Variants in ACOXL observed in about 807,000 individuals in gnomAD.
ACOXL encodes acyl-CoA oxidase like, also known as acyl-coenzyme A oxidase-like protein.
A neutral mutation model predicts 71.9 loss-of-function variants in ACOXL; 70 were observed. The ratio of observed to expected loss-of-function variants is 0.97; its 90% CI spans 0.80 to 1.19. The LOEUF is 1.19. Ranked by LOEUF, ACOXL falls within the 50% of genes most tolerant of loss-of-function variation. The probability of loss-of-function intolerance (pLI) is 0.00; values close to 1 mark genes in which losing one functional copy is unlikely to be tolerated. For missense variants in ACOXL, 703 were observed against 736.3 expected (o/e 0.95, Z 0.52); for synonymous variants, 253 against 281.6 (o/e 0.90, Z 1.02).
chr2:111,018,320 G>T (rs1317870191), intron 14 of ACOXL, among the ~76,000 whole-genome samples: 1 of 152,182 alleles, frequency 6.6e-6, no homozygotes, highest in East Asian at 1.9e-4. Context: ...ACTGAGTCTG[G>T]AATAACAAAT....
intron 15 of ACOXL, among the ~76,000 whole-genome samples, chr2:111,042,341 T>C (rs1194161041): frequency 2.6e-5 from 4 of 152,190 alleles, no homozygotes; most frequent in Non-Finnish European, 2.9e-5. Flanking sequence ...GCAGAGGGAA[T>C]AGGATGTGAA....
chr2:111,074,314 G>C (rs142952361), intron 16 of ACOXL, among the ~76,000 whole-genome samples: 8 of 151,990 alleles, frequency 5.3e-5, no homozygotes, highest in African/African-American at 1.9e-4. Flanking sequence ...AGAGTGATGA[G>C]AATTGACATC....
At position 110,798,700 on chromosome 2, in the gene ACOXL, C is replaced by A; in HGVS notation, c.436C>A (p.Leu146Ile). 6.2e-7 allele frequency: 1 copy of A among 1,614,106 alleles called. No individual in the cohort carries two copies. The highest frequency in any genetic ancestry group is 1.1e-5 in the South Asian group (1 of 91,082). Residue 146 changes from leucine to isoleucine, a missense_variant, in exon 6 of 18, where the codon CTC becomes ATC. By Grantham distance (5) the Leu-to-Ile change is conservative. Coordinates refer to ENST00000439055, the MANE Select transcript of ACOXL (RefSeq NM_001142807.4). ...GAATTATGCAGCTGTCTTTGCCCAG[C>A]TCATCATAGATGGAAGATCTCAAGG... is the stretch of plus-strand genomic sequence containing the variant. ...YGNYAAVFAQ[L>I]IIDGRSQGPH... is the part of the protein sequence containing the mutation.
chr2:110,783,215 A>G (rs1304665115), intron 2 of ACOXL, among the ~76,000 whole-genome samples: 1 of 152,174 alleles, frequency 6.6e-6, no homozygotes, highest in Non-Finnish European at 1.5e-5. Context: ...CCTCCCGTGT[A>G]GGGTTGTTGT....
intron 11 of ACOXL, among the ~76,000 whole-genome samples, chr2:110,917,142 G>A (rs746852587): frequency 2.6e-5 from 4 of 152,120 alleles, no homozygotes; most frequent in Non-Finnish European, 4.4e-5. Context: ...GATGAACATC[G>A]ATGGAAAAAT....
intron 17 of ACOXL, among the ~76,000 whole-genome samples, chr2:111,109,321 T>C (rs1024802859): frequency 6.6e-6 from 1 of 152,246 alleles, no homozygotes; most frequent in Non-Finnish European, 1.5e-5. Context: ...ATATCAAATT[T>C]AGAAACATTT....
At chr2:111,006,412 A>G (rs1006443789) in intron 14 of ACOXL, among the ~76,000 whole-genome samples, 8 of 152,174 alleles carry the variant, frequency 5.3e-5, no homozygotes, top group African/African-American at 1.9e-4. Context: ...ATCTGGGGAG[A>G]CCTAGGAGTG....
chr2:110,935,488 C>T lies in ACOXL; in HGVS notation c.1059+1846C>T, dbSNP rs571973485. On this transcript the variant is annotated intron_variant, in intron 12 of 17. Transcript: ENST00000439055. ...GTGCCACCCGGAACAACCGCCCTCG[C>T]CTGCTCTCCAGTGATCCAGCCTGTC... 5.9e-5 allele frequency among the ~76,000 whole-genome samples: 9 copies of T among 152,286 alleles called. No homozygotes were observed. In the East Asian group the frequency reaches 1.7e-3, roughly 29 times the overall value.
At chr2:111,013,925 G>A (rs2064303015) in intron 14 of ACOXL, among the ~76,000 whole-genome samples, 1 of 152,172 alleles carries the variant, frequency 6.6e-6, no homozygotes, top group Non-Finnish European at 1.5e-5. Context: ...AGAATGCGAG[G>A]TTGGTTTAAT....
chr2:110,999,751 A>G (rs1469279879), intron 14 of ACOXL, among the ~76,000 whole-genome samples: 2 of 152,188 alleles, frequency 1.3e-5, no homozygotes, highest in East Asian at 1.9e-4. Context: ...CCCAGGTGTC[A>G]AGGAACTGAA....
At chr2:110,951,494 G>A (rs2061332795) in intron 12 of ACOXL, among the ~76,000 whole-genome samples, 1 of 152,168 alleles carries the variant, frequency 6.6e-6, no homozygotes, top group Admixed American at 6.5e-5. Flanking sequence ...ATTAAAGGAA[G>A]TGGTTCATAA....
chr2:110,969,847 C>T (rs2062104036), intron 12 of ACOXL, among the ~76,000 whole-genome samples: 1 of 151,696 alleles, frequency 6.6e-6, no homozygotes, highest in Admixed American at 6.6e-5. Flanking sequence ...TAGAAAATAG[C>T]TTTACATTGA....
chr2:110,974,623 C>T (rs979359045), intron 12 of ACOXL, among the ~76,000 whole-genome samples: 1 of 152,196 alleles, frequency 6.6e-6, no homozygotes, highest in African/African-American at 2.4e-5. Context: ...CATTACTTCG[C>T]AGTGCAGATA....
At chr2:111,089,278 T>C (rs751639350) in intron 16 of ACOXL, among the ~76,000 whole-genome samples, 12 of 152,076 alleles carry the variant, frequency 7.9e-5, no homozygotes, top group Non-Finnish European at 1.5e-4. Flanking sequence ...AGCCTGGCGA[T>C]AGACCGAGAC....
intron 1 of ACOXL, among the ~76,000 whole-genome samples, chr2:110,737,012 G>A (rs1287821359): frequency 3.3e-5 from 5 of 152,058 alleles, no homozygotes; most frequent in Non-Finnish European, 7.4e-5. Context: ...TGTTAGTGTG[G>A]TTTTTCCGCA....
chr2:110,826,387 C>T lies in ACOXL; in HGVS notation c.754-14984C>T, dbSNP rs560727570. ...GTGACCTTAGGCAAGATAGCATGTT[C>T]TCTGAACCTTTGTCACTCCATCCAC... On this transcript the variant is annotated intron_variant, in intron 9 of 17. Coordinates refer to ENST00000439055, the MANE Select transcript of ACOXL (RefSeq NM_001142807.4). Among the ~76,000 whole-genome samples, 17 of 152,288 alleles carry T rather than the reference C, an allele frequency of 1.1e-4. No homozygotes were observed. The South Asian group carries it at 1.9e-3, about 17-fold the overall frequency.
chr2:110,987,048 T>G, intron 12 of ACOXL, 60 bp from the exon 13 acceptor site: 6 of 1,385,958 alleles, frequency 4.3e-6, no homozygotes, highest in Non-Finnish European at 6.0e-6. Context: ...GGTTGCAGTA[T>G]TAAAGATACT....
At chr2:111,093,503 C>A (rs373927371) in intron 17 of ACOXL, 2 of 1,614,046 alleles carry the variant, frequency 1.2e-6, no homozygotes, top group East Asian at 2.2e-5. Flanking sequence ...TGCTGAAACA[C>A]AAACAGGTAT....
At chr2:110,841,333 A>C (rs764674441) in intron 9 of ACOXL, 38 bp from the exon 10 acceptor site, 2 of 1,522,250 alleles carry the variant, frequency 1.3e-6, no homozygotes, top group Non-Finnish European at 9.1e-7. Context: ...CATACTCTTG[A>C]TATTACTTAA....
Sources: allele counts gnomAD v4.1 joint callset (sites outside exome capture counted in the v4.1 genomes callset), GRCh38; gene constraint gnomAD v4.1.1; transcripts MANE v1.5; gene names NCBI Gene and HGNC (gene_info 2026-07-23, HGNC 2026-07-21).